The following FMO5 variants were observed in gnomAD, a reference collection of about 807,000 sequenced individuals.
FMO5 encodes the protein flavin-containing monooxygenase 5.
Under a neutral mutation model 43.6 loss-of-function variants are expected in FMO5, and 51 were observed. The ratio of observed to expected loss-of-function variants is 1.17; its 90% CI spans 0.93 to 1.48. The LOEUF is 1.48. FMO5 is among the 40% of genes most tolerant of loss of function. The probability of loss-of-function intolerance (pLI) is 0.00; values close to 1 mark genes in which losing one functional copy is unlikely to be tolerated. For synonymous variants in FMO5, 187 were observed against 216.5 expected (o/e 0.86, Z 1.20); for missense variants, 644 against 643.0 (o/e 1.00, Z -0.02).
At chr1:147,223,845 G>A in intron 2 of FMO5, 2 of 299,570 alleles carry the variant, frequency 6.7e-6, no homozygotes, top group Non-Finnish European at 1.3e-5. Context: ...CTGCTTACGC[G>A]GGCCCACAAG....
intron 2 of FMO5, 61 bp from the exon 3 acceptor site, chr1:147,216,003 C>A: frequency 7.7e-7 from 1 of 1,296,954 alleles, no homozygotes; most frequent in Non-Finnish European, 1.1e-6. Flanking sequence ...TTATAATAGC[C>A]AATAGACATC....
intron 5 of FMO5, chr1:147,209,613 T>C (rs1660773063): frequency 6.6e-6 from 1 of 152,628 alleles, no homozygotes; most frequent in Admixed American, 6.5e-5. Flanking sequence ...CCGTTGTATT[T>C]CTGTTTAGTG....
At chr1:147,224,231 T>C (rs1277284241) in intron 2 of FMO5, 14 of 257,616 alleles carry the variant, frequency 5.4e-5, no homozygotes, top group Non-Finnish European at 9.3e-5. Context: ...ACCAATTACA[T>C]GGACAGATAT....
chr1:147,199,307 G>A (rs1272210485), intron 7 of FMO5, among the ~76,000 whole-genome samples: 1 of 152,102 alleles, frequency 6.6e-6, no homozygotes, highest in Non-Finnish European at 1.5e-5. Context: ...GGAAGAGAAA[G>A]GCAAGAATGT....
chr1:147,187,598 A>G (rs1553917472), intron 8 of FMO5, among the ~76,000 whole-genome samples: 1 of 152,188 alleles, frequency 6.6e-6, no homozygotes. Context: ...CTCTGATGTT[A>G]TGAGAAAGAG....
At chr1:147,188,737 A>C (rs1553917772) in intron 8 of FMO5, among the ~76,000 whole-genome samples, 1 of 151,076 alleles carries the variant, frequency 6.6e-6, no homozygotes, top group African/African-American at 2.4e-5. Flanking sequence ...ATAAATAAAT[A>C]AATAAATATT....
intron 6 of FMO5, among the ~76,000 whole-genome samples, chr1:147,206,740 A>T (rs1660133037): frequency 6.6e-6 from 1 of 152,114 alleles, no homozygotes; most frequent in Non-Finnish European, 1.5e-5. Flanking sequence ...AGGAAGGGGA[A>T]CATCACACAC....
chr1:147,189,781 AC>A (rs1656337487), intron 8 of FMO5, among the ~76,000 whole-genome samples: 1 of 152,122 alleles, frequency 6.6e-6, no homozygotes, highest in South Asian at 2.1e-4. Context: ...TTGTAAATCT[AC>A]CTACAGATTT....
intron 6 of FMO5, among the ~76,000 whole-genome samples, chr1:147,207,375 A>G (rs782737654): frequency 6.6e-6 from 1 of 152,210 alleles, no homozygotes; most frequent in Non-Finnish European, 1.5e-5. Flanking sequence ...ACTTTTCTGT[A>G]GATCTGAACA....
In FMO5 at chr1:147,212,462, T is replaced by G. The variant is rs782816480; in HGVS notation, c.561A>C (p.Arg187Ser). 6.2e-7 allele frequency: 1 copy of G among 1,613,910 alleles called. No individual in the cohort carries two copies. Among genetic ancestry groups the G allele is most frequent in the Non-Finnish European group, 8.5e-7 (1 of 1,179,818 alleles). ...AATTCCCAATGCCAATTATAATGAC[T>G]CTCTTTCCAGTGAATCCCTCTGGGT... ...YKNPEGFTGK[R>S]VIIIGIGNSG... Residue 187 changes from arginine (R) to serine (S), a missense_variant, in exon 5 of 9, where the codon AGA (arginine) becomes AGC (serine). Coordinates refer to ENST00000254090, the MANE Select transcript of FMO5 (RefSeq NM_001461.4).
downstream of FMO5, among the ~76,000 whole-genome samples, chr1:147,185,060 G>A (rs1460769108): frequency 6.6e-6 from 1 of 152,028 alleles, no homozygotes; most frequent in Non-Finnish European, 1.5e-5. Flanking sequence ...ATGGTAAATT[G>A]ATGAATATTA....
chr1:147,205,000 C>A (rs1659728162), intron 6 of FMO5: 2 of 846,838 alleles, frequency 2.4e-6, no homozygotes, highest in African/African-American at 1.7e-5. Context: ...GGTTTTCATG[C>A]CTGATGAACC....
In FMO5 at chr1:147,215,784, T is replaced by G. The variant is rs1553924863; in HGVS notation, c.294A>C (p.Glu98Asp). ...VLEYFRMYAK[E>D]FDLLKYIRFK... is the part of the protein sequence containing the mutation. ...ATCGAATATACTTTAGAAGGTCAAA[T>G]TCTTTGGCATACATCCTGAAATACT... is the stretch of plus-strand genomic sequence containing the variant. The change falls in exon 3 of 9, where the codon GAA (glutamate) becomes GAC (aspartate). Residue 98 changes from glutamate to aspartate, a missense_variant. Coordinates refer to ENST00000254090, the MANE Select transcript of FMO5 (RefSeq NM_001461.4). 6.2e-7 allele frequency: 1 copy of G among 1,609,332 alleles called. No homozygotes were observed.
intron 3 of FMO5, chr1:147,215,383 G>A (rs150107506): frequency 1.2e-5 from 2 of 171,642 alleles, no homozygotes; most frequent in African/African-American, 4.7e-5. Context: ...AGTACAAAAG[G>A]GCTAAGCAGT....
chr1:147,189,071 T>C (rs1425253098), intron 8 of FMO5, among the ~76,000 whole-genome samples: 3 of 151,854 alleles, frequency 2.0e-5, no homozygotes, highest in Admixed American at 2.0e-4. Flanking sequence ...GTCAGGAGTT[T>C]GAGACCAGCC....
At chr1:147,208,672 CAG>C in intron 6 of FMO5, 178 bp downstream of exon 6, 2 of 510,770 alleles carry the variant, frequency 3.9e-6, no homozygotes, top group Non-Finnish European at 7.2e-6. Flanking sequence ...CTCCTGAGCT[CAG>C]GTGATCCACC....
chr1:147,189,649 C>G (rs1656311722), intron 8 of FMO5, among the ~76,000 whole-genome samples: 1 of 152,158 alleles, frequency 6.6e-6, no homozygotes, highest in African/African-American at 2.4e-5. Context: ...TTGTGTTCAT[C>G]AAAACACTAA....
chr1:147,203,328 A>G, intron 6 of FMO5: 2 of 1,584,324 alleles, frequency 1.3e-6, no homozygotes, highest in Middle Eastern at 1.7e-4. Context: ...GCTTGGGCCC[A>G]CCATCTGGTT....
chr1:147,205,258 C>G (rs1571281218), intron 6 of FMO5, among the ~76,000 whole-genome samples: 1 of 152,122 alleles, frequency 6.6e-6, no homozygotes, highest in Admixed American at 6.5e-5. Context: ...AACACAGTTT[C>G]CAAATGTCAC....
Sources: allele counts gnomAD v4.1 joint callset (sites outside exome capture counted in the v4.1 genomes callset), GRCh38; gene constraint gnomAD v4.1.1; transcripts MANE v1.5; gene names NCBI Gene and HGNC (gene_info 2026-07-23, HGNC 2026-07-21).